AGBL4: variants seen among roughly 807,000 people sequenced by gnomAD.
AGBL4 encodes cytosolic carboxypeptidase 6.
A neutral mutation model predicts 66.4 loss-of-function variants in AGBL4; 58 were observed. That is an observed-to-expected ratio of 0.87 (90% confidence interval 0.71 to 1.09). The LOEUF is 1.09. Among genes scored for constraint, AGBL4 ranks in the 50% least tolerant of loss-of-function variants. AGBL4 has a pLI of 0.00. For missense variants in AGBL4, 579 were observed against 631.0 expected (o/e 0.92, Z 0.88); for synonymous variants, 234 against 222.9 (o/e 1.05, Z -0.44).
intron 3 of AGBL4, among the ~76,000 whole-genome samples, chr1:49,323,040 TAC>T (rs1475536981): frequency 6.6e-6 from 1 of 152,258 alleles, no homozygotes; most frequent in African/African-American, 2.4e-5. Context: ...TAAAATTAAT[TAC>T]AGTTTGTTGC....
intron 5 of AGBL4, among the ~76,000 whole-genome samples, chr1:48,998,035 G>T (rs373515426): frequency 5.9e-5 from 9 of 152,112 alleles, no homozygotes; most frequent in South Asian, 2.1e-4. Flanking sequence ...AACCCTTTAG[G>T]TTGGGTAGTC....
chr1:48,720,751 G>A (rs1476205967), intron 6 of AGBL4, among the ~76,000 whole-genome samples: 6 of 152,120 alleles, frequency 3.9e-5, no homozygotes, highest in Non-Finnish European at 8.8e-5. Context: ...CCTGCCTGCA[G>A]TTCACTGACA....
Position 49,441,312 on chromosome 1 carries a change from C to T in AGBL4, c.283-195448G>A, listed in dbSNP as rs111419742. 7.2e-5 allele frequency among the ~76,000 whole-genome samples: 11 copies of T among 152,246 alleles called. 1 individual carries two copies. Among genetic ancestry groups the T allele is most frequent in the African/African-American group, 2.6e-4 (11 of 41,556 alleles). On this transcript the variant is annotated intron_variant, in intron 3 of 13. Coordinates refer to ENST00000371839, the MANE Select transcript of AGBL4 (RefSeq NM_032785.4). Reference sequence around the variant, plus strand: ...GGAAGGAACATAGAGTTGGATCAGGCTGCATTTATTGATTTAGGCACACTA... The same window carrying T: ...GGAAGGAACATAGAGTTGGATCAGGTTGCATTTATTGATTTAGGCACACTA...
At chr1:49,761,933 A>T (rs1194635180) in intron 2 of AGBL4, among the ~76,000 whole-genome samples, 1 of 152,120 alleles carries the variant, frequency 6.6e-6, no homozygotes, top group Non-Finnish European at 1.5e-5. Flanking sequence ...GCTAAATAGT[A>T]TTCTATTGTG....
intron 3 of AGBL4, among the ~76,000 whole-genome samples, chr1:49,692,268 C>T (rs185181489): frequency 6.8e-4 from 103 of 152,212 alleles, no homozygotes; most frequent in East Asian, 2.5e-3. Context: ...ACAGGTAAAA[C>T]GGCTCATAAG....
At chr1:49,444,708 T>C (rs1646113882) in intron 3 of AGBL4, among the ~76,000 whole-genome samples, 1 of 152,046 alleles carries the variant, frequency 6.6e-6, no homozygotes, top group African/African-American at 2.4e-5. Flanking sequence ...TATAGTTGGA[T>C]CAGGTTTTAT....
At chr1:49,750,296 T>C (rs987776177) in intron 2 of AGBL4, among the ~76,000 whole-genome samples, 4 of 152,004 alleles carry the variant, frequency 2.6e-5, no homozygotes, top group Non-Finnish European at 2.9e-5. Context: ...GGGGGTCCAG[T>C]TTCAGTTTTC....
chr1:48,634,692 A>ACATAATCACTGC, intron 8 of AGBL4, 88 bp from the exon 9 acceptor site: 5 of 836,368 alleles, frequency 6.0e-6, no homozygotes, highest in Non-Finnish European at 9.3e-6. Context: ...AGGAGCAGTG[A>ACATAATCACTGC]TTATGTCACT....
chr1:49,950,757 A>G (rs943522425), intron 1 of AGBL4, among the ~76,000 whole-genome samples: 4 of 151,868 alleles, frequency 2.6e-5, no homozygotes, highest in African/African-American at 9.7e-5. Flanking sequence ...ATAGGAAACC[A>G]GTATGTCAAA....
intron 2 of AGBL4, among the ~76,000 whole-genome samples, chr1:49,707,688 T>A (rs1008840799): frequency 6.6e-6 from 1 of 151,548 alleles, no homozygotes; most frequent in African/African-American, 2.4e-5. Flanking sequence ...CAGTGGCAGG[T>A]ACCGGTTTTT....
At chr1:49,388,597 A>T (rs1381786153) in intron 3 of AGBL4, among the ~76,000 whole-genome samples, 1 of 152,176 alleles carries the variant, frequency 6.6e-6, no homozygotes, top group Non-Finnish European at 1.5e-5. Flanking sequence ...TTATCCTATG[A>T]TTCTTGATTA....
intron 2 of AGBL4, among the ~76,000 whole-genome samples, chr1:49,739,144 T>G (rs1227868416): frequency 6.6e-6 from 1 of 151,908 alleles, no homozygotes; most frequent in South Asian, 2.1e-4. Context: ...GGCAAAGAAG[T>G]TAAAAACCTT....
chr1:48,774,319 T>G (rs1644973629), intron 6 of AGBL4, among the ~76,000 whole-genome samples: 1 of 152,186 alleles, frequency 6.6e-6, no homozygotes, highest in Non-Finnish European at 1.5e-5. Flanking sequence ...CCACCAAGTT[T>G]AAGTCAGGAA....
At chr1:49,174,297 G>A (rs1381904047) in intron 4 of AGBL4, among the ~76,000 whole-genome samples, 1 of 151,948 alleles carries the variant, frequency 6.6e-6, no homozygotes, top group Non-Finnish European at 1.5e-5. Context: ...TTGATATTCA[G>A]GAGAAAAGAT....
At chr1:49,388,297 A>G (rs1644778106) in intron 3 of AGBL4, among the ~76,000 whole-genome samples, 1 of 152,146 alleles carries the variant, frequency 6.6e-6, no homozygotes, top group Non-Finnish European at 1.5e-5. Context: ...AACTCTGACA[A>G]AGTTGTAATA....
Position 49,343,928 on chromosome 1 carries a change from T to C in AGBL4, c.283-98064A>G, listed in dbSNP as rs914213723. Among the ~76,000 whole-genome samples, 21 of 152,320 alleles carry C rather than the reference T, an allele frequency of 1.4e-4. No homozygotes were observed. The East Asian group carries it at 2.1e-3, about 15-fold the overall frequency. On this transcript the variant is annotated intron_variant, in intron 3 of 13. Transcript: ENST00000371839. Reference sequence around the variant, plus strand: ...AAGTTGTAAAGATTATTGATTAAAATGCCTTCAAAATTTAGACATTTGTTC... The same window carrying C: ...AAGTTGTAAAGATTATTGATTAAAACGCCTTCAAAATTTAGACATTTGTTC...
At chr1:49,887,339 G>GC (rs1288046420) in intron 1 of AGBL4, among the ~76,000 whole-genome samples, 3 of 151,038 alleles carry the variant, frequency 2.0e-5, no homozygotes, top group Non-Finnish European at 3.0e-5. Context: ...AATCCAGATA[G>GC]TTTTTTTTAG....
Position 48,533,700 on chromosome 1 carries a change from C to G in AGBL4, c.*473G>C, listed in dbSNP as rs1296803252. 1 of 179,038 alleles carries G rather than the reference C, an allele frequency of 5.6e-6. No individual in the cohort carries two copies. The highest frequency in any genetic ancestry group is 1.2e-5 in the Non-Finnish European group (1 of 85,674). The allele number at this position is 179,038 out of a possible 1,614,324, so 11.1% of individuals were successfully genotyped here. ...CATTGTTCCCTAGGATGCATTTGCC[C>G]TTTGGTTGCATGTGTTGTTGCTGTT... On this transcript the variant is annotated 3_prime_UTR_variant, in exon 14 of 14. Transcript: ENST00000371839.
intron 1 of AGBL4, among the ~76,000 whole-genome samples, chr1:49,887,302 C>T (rs957485799): frequency 4.0e-5 from 6 of 150,604 alleles, no homozygotes; most frequent in African/African-American, 1.5e-4. Context: ...TAAAAAAACT[C>T]CCTATGTTAG....
Sources: gnomAD v4.1 joint callset for allele counts (sites outside exome capture counted in the v4.1 genomes callset) on GRCh38, gnomAD v4.1.1 for gene constraint, MANE v1.5 for transcripts, NCBI Gene and HGNC (gene_info 2026-07-23, HGNC 2026-07-21) for gene names.